Variants in PTPRK observed in about 807,000 individuals in gnomAD.
PTPRK encodes protein tyrosine phosphatase receptor type K.
Under a neutral mutation model 178.0 loss-of-function variants are expected in PTPRK, and 75 were observed. That is an observed-to-expected ratio of 0.42 (90% CI 0.35 to 0.51). PTPRK has a LOEUF of 0.51. Ranked by LOEUF, PTPRK falls within the 20% of genes least tolerant of loss-of-function variation. PTPRK has a pLI of 0.02. For synonymous variants in PTPRK, 637 were observed against 620.6 expected (o/e 1.03, Z -0.39); for missense variants, 1,441 against 1,797.8 (o/e 0.80, Z 3.59).
chr6:128,127,046 A>T (rs1793496400), intron 7 of PTPRK, among the ~76,000 whole-genome samples: 1 of 152,036 alleles, frequency 6.6e-6, no homozygotes, highest in Non-Finnish European at 1.5e-5. Context: ...AAAAGACACT[A>T]CTTTCTTCAT....
chr6:128,140,812 TTAAA>T (rs1475065421), intron 7 of PTPRK, among the ~76,000 whole-genome samples: 5 of 151,972 alleles, frequency 3.3e-5, no homozygotes, highest in Non-Finnish European at 5.9e-5. Context: ...AGTTTTCATT[TTAAA>T]TAAATAGTTT....
intron 2 of PTPRK, among the ~76,000 whole-genome samples, chr6:128,378,499 T>C (rs1194763419): frequency 6.6e-6 from 1 of 151,722 alleles, no homozygotes; most frequent in Non-Finnish European, 1.5e-5. Flanking sequence ...ATAATTTCCA[T>C]GTTTTCTAAC....
intron 5 of PTPRK, among the ~76,000 whole-genome samples, chr6:128,232,554 T>C (rs1300560732): frequency 2.0e-5 from 3 of 152,220 alleles, no homozygotes; most frequent in Non-Finnish European, 4.4e-5. Context: ...TCCCTTATAA[T>C]CAGCTTATAG....
intron 13 of PTPRK, among the ~76,000 whole-genome samples, chr6:128,022,564 A>G (rs1773688097): frequency 6.6e-6 from 1 of 152,164 alleles, no homozygotes; most frequent in South Asian, 2.1e-4. Context: ...ACTCCAAATG[A>G]GTCCAACTAC....
At chr6:128,303,864 T>A (rs1255493852) in intron 3 of PTPRK, among the ~76,000 whole-genome samples, 1 of 152,220 alleles carries the variant, frequency 6.6e-6, no homozygotes, top group East Asian at 1.9e-4. Context: ...GGCTGATTAT[T>A]TCAATTACAA....
chr6:128,415,472 G>A (rs934769168), intron 1 of PTPRK, among the ~76,000 whole-genome samples: 1 of 148,930 alleles, frequency 6.7e-6, no homozygotes, highest in Admixed American at 6.7e-5. Context: ...ATTTTCAGTG[G>A]TGAAAAACAT....
At chr6:128,251,262 T>A (rs527359173) in intron 3 of PTPRK, among the ~76,000 whole-genome samples, 17 of 152,348 alleles carry the variant, frequency 1.1e-4, no homozygotes, top group African/African-American at 4.1e-4. Context: ...ATTATTTGAC[T>A]ATTTGTAAAC....
At chr6:128,237,528 C>A (rs181506076) in intron 5 of PTPRK, among the ~76,000 whole-genome samples, 1 of 152,258 alleles carries the variant, frequency 6.6e-6, no homozygotes, top group Non-Finnish European at 1.5e-5. Context: ...TTTCAAGCCA[C>A]CAAAAATAAC....
intron 6 of PTPRK, among the ~76,000 whole-genome samples, chr6:128,186,055 C>T (rs149172018): frequency 1.3e-5 from 2 of 152,164 alleles, no homozygotes; most frequent in East Asian, 3.9e-4. Context: ...TGTACAGCTA[C>T]ACAGGCTAAA....
chr6:128,194,056 T>TTATA (rs1228103270), intron 6 of PTPRK, among the ~76,000 whole-genome samples: 30 of 138,000 alleles, frequency 2.2e-4, no homozygotes, highest in Middle Eastern at 3.7e-3. Context: ...GCAATAATAT[T>TTATA]TATATATATA....
At chr6:128,283,426 A>C (rs6933821) in intron 3 of PTPRK, among the ~76,000 whole-genome samples, 22,698 of 152,166 alleles carry the variant, frequency 0.15, 2,891 homozygotes, top group African/African-American at 0.35. Flanking sequence ...TATAAAGCCA[A>C]ATGTAAGGTA....
intron 7 of PTPRK, among the ~76,000 whole-genome samples, chr6:128,115,905 GTTTT>G (rs979796518): frequency 1.3e-5 from 2 of 152,030 alleles, no homozygotes; most frequent in Non-Finnish European, 2.9e-5. Flanking sequence ...TTGAAAATGT[GTTTT>G]TTATCTGCAA....
At chr6:128,464,051 G>A (rs1028869379) in intron 1 of PTPRK, among the ~76,000 whole-genome samples, 4 of 151,776 alleles carry the variant, frequency 2.6e-5, no homozygotes, top group Non-Finnish European at 5.9e-5. Flanking sequence ...CACCACACCC[G>A]GCCAAACTTT....
At chr6:128,311,220 C>T (rs181579920) in intron 3 of PTPRK, among the ~76,000 whole-genome samples, 1 of 152,104 alleles carries the variant, frequency 6.6e-6, no homozygotes, top group African/African-American at 2.4e-5. Context: ...TCTAAAAATG[C>T]GAACAACGCA....
intron 3 of PTPRK, among the ~76,000 whole-genome samples, chr6:128,303,470 C>T (rs6905271): frequency 0.053 from 8,068 of 152,176 alleles, 718 homozygotes; most frequent in African/African-American, 0.18. Context: ...AGATCATATC[C>T]GTTAGTGTAT....
At position 128,030,036 on chromosome 6, in the gene PTPRK, A is replaced by C. The variant is rs146688130; in HGVS notation, c.2195-20768T>G. On this transcript the variant is annotated intron_variant, in intron 13 of 29. Transcript: ENST00000368226. ...CTAACTTCAGCCTGATGTCACGGGGAGCACTAGAGCATGAATTGCCCCAGA... is the reference window on the plus strand; with the variant it reads ...CTAACTTCAGCCTGATGTCACGGGGCGCACTAGAGCATGAATTGCCCCAGA... Among the ~76,000 whole-genome samples, 519 of 152,302 alleles carry C rather than the reference A, an allele frequency of 3.4e-3. 3 individuals are homozygous for C. The highest frequency in any genetic ancestry group is 0.011 in the African/African-American group (469 of 41,558).
At chr6:128,116,462 A>C (rs535631258) in intron 7 of PTPRK, among the ~76,000 whole-genome samples, 1 of 152,202 alleles carries the variant, frequency 6.6e-6, no homozygotes. Context: ...GTCTTCACAA[A>C]ATTTTTTCAA....
intron 3 of PTPRK, among the ~76,000 whole-genome samples, chr6:128,273,963 C>T (rs1211347757): frequency 6.6e-6 from 1 of 151,968 alleles, no homozygotes; most frequent in Non-Finnish European, 1.5e-5. Flanking sequence ...AAGCGATGTG[C>T]CTTTTTATTA....
chr6:128,447,774 C>T (rs1847222236), intron 1 of PTPRK, among the ~76,000 whole-genome samples: 2 of 151,924 alleles, frequency 1.3e-5, no homozygotes, highest in Non-Finnish European at 2.9e-5. Context: ...CACGCGTGTG[C>T]CACCAAGCCC....
Sources: allele counts gnomAD v4.1 joint callset (sites outside exome capture counted in the v4.1 genomes callset), GRCh38; gene constraint gnomAD v4.1.1; transcripts MANE v1.5; gene names NCBI Gene and HGNC (gene_info 2026-07-23, HGNC 2026-07-21).